CDHR3: variants seen among roughly 807,000 people sequenced by gnomAD.
CDHR3 encodes the protein cadherin-related family member 3.
A neutral mutation model predicts 86.6 loss-of-function variants in CDHR3; 79 were observed. That is an observed-to-expected ratio of 0.91 (90% CI 0.76 to 1.10). CDHR3 has a LOEUF of 1.10. Among genes scored for constraint, CDHR3 ranks in the 50% least tolerant of loss-of-function variants. The pLI, the probability that CDHR3 is intolerant of heterozygous loss-of-function variation, is 0.00. For synonymous variants in CDHR3, 421 were observed against 402.4 expected (o/e 1.05, Z -0.55); for missense variants, 1,081 against 1,077.6 (o/e 1.00, Z -0.04).
In CDHR3 at chr7:105,993,520, A is replaced by T. The variant is rs558212834; in HGVS notation, c.514-1231A>T. ...CCCTGTCTCTACAAAAAAAAATATAAAAAAAATTAGCCAGGTGTGGTGGCA... is the reference window on the plus strand; with the variant it reads ...CCCTGTCTCTACAAAAAAAAATATATAAAAAATTAGCCAGGTGTGGTGGCA... On this transcript the variant is annotated intron_variant, in intron 4 of 18. Transcript: ENST00000317716. Among the ~76,000 whole-genome samples the T allele has an allele frequency of 6.6e-5, 10 of 151,800 alleles. No individual in the cohort carries two copies. In the South Asian group the frequency reaches 1.9e-3, roughly 29 times the overall value.
At chr7:105,977,172 G>A (rs759323290) in intron 2 of CDHR3, among the ~76,000 whole-genome samples, 1 of 151,976 alleles carries the variant, frequency 6.6e-6, no homozygotes, top group Non-Finnish European at 1.5e-5. Flanking sequence ...TTTTATTCCT[G>A]TTTTAGATAT....
chr7:106,000,158 G>A (rs1038063246), intron 6 of CDHR3, among the ~76,000 whole-genome samples: 2 of 152,224 alleles, frequency 1.3e-5, no homozygotes, highest in African/African-American at 4.8e-5. Flanking sequence ...AAGGGGATAT[G>A]TCAAGTAAGG....
chr7:105,989,422 T>C (rs1371379366), intron 4 of CDHR3, among the ~76,000 whole-genome samples: 4 of 151,828 alleles, frequency 2.6e-5, no homozygotes, highest in Admixed American at 1.3e-4. Context: ...TTAAGGGGCT[T>C]TCTTTTGGCC....
chr7:106,020,858 C>A (rs1162782873), intron 13 of CDHR3, among the ~76,000 whole-genome samples: 1 of 152,144 alleles, frequency 6.6e-6, no homozygotes, highest in African/African-American at 2.4e-5. Flanking sequence ...CCTGGCACTC[C>A]TCTCAGTTTC....
In CDHR3 at chr7:106,020,541, C is replaced by T. The variant is rs773363986; in HGVS notation, c.1822C>T (p.Pro608Ser). 2.5e-6 allele frequency: 4 copies of T among 1,612,874 alleles called. No homozygotes were observed. The highest frequency in any genetic ancestry group is 4.5e-5 in the East Asian group (2 of 44,888). The change falls in exon 13 of 19, where the codon CCA becomes TCA. Residue 608 changes from proline (P) to serine (S), a missense_variant. By Grantham distance (74) the Pro-to-Ser change is moderately conservative. Transcript: ENST00000317716. ...SPRSFRYSIG[P>S]GNVNNHFTFS... ...CAGATCTTTCCGTTATTCCATTGGC[C>T]CAGGTATAGTACTTGGTGTCGACAA... is the stretch of plus-strand genomic sequence containing the variant.
At chr7:106,021,495 C>T (rs576854221) in intron 13 of CDHR3, among the ~76,000 whole-genome samples, 10 of 152,240 alleles carry the variant, frequency 6.6e-5, no homozygotes, top group Non-Finnish European at 1.2e-4. Context: ...GCTCCATTTA[C>T]TGGTGTTCAG....
chr7:106,032,880 C>A lies in CDHR3; in HGVS notation c.*183C>A. On this transcript the variant is annotated 3_prime_UTR_variant, in exon 19 of 19. Transcript: ENST00000317716. ...AGAAAGGGGTTTGATCACATAGTTG[C>A]GTGTTCTGAAATGATACAGGAACAT... The A allele has an allele frequency of 1.7e-6, 1 of 591,796 alleles. No homozygotes were observed. Among genetic ancestry groups the A allele is most frequent in the Non-Finnish European group, 2.9e-6 (1 of 339,600 alleles). 36.7% of individuals were successfully genotyped at this position (591,796 alleles called of 1,614,324 possible).
chr7:105,989,007 C>T (rs947640386), intron 4 of CDHR3, among the ~76,000 whole-genome samples: 5 of 152,258 alleles, frequency 3.3e-5, no homozygotes, highest in African/African-American at 7.2e-5. Context: ...GTCACACGTA[C>T]GTGAGGGTAG....
chr7:106,020,983 T>C (rs1046085209), intron 13 of CDHR3, among the ~76,000 whole-genome samples: 1 of 152,136 alleles, frequency 6.6e-6, no homozygotes, highest in African/African-American at 2.4e-5. Flanking sequence ...TTAGTGTTGT[T>C]AGAAAAAATG....
Position 106,004,681 on chromosome 7 carries a change from C to T in CDHR3, c.1046C>T (p.Thr349Ile). The T allele has an allele frequency of 1.9e-6, 3 of 1,614,018 alleles. No individual in the cohort carries two copies. The highest frequency in any genetic ancestry group is 2.5e-6 in the Non-Finnish European group (3 of 1,179,890). Residue 349 changes from threonine (T) to isoleucine (I), a missense_variant, in exon 8 of 19, where the codon ACC becomes ATC. Thr to Ile is a moderately conservative substitution (Grantham distance 89). Transcript: ENST00000317716. ...NDNPATCQKF[T>I]FSIMVPERTA... ...AATCCTGCCACATGCCAAAAGTTCA[C>T]CTTCAGGTATGCACACTTTGAAAGT...
chr7:105,994,972 G>A (rs1234657782), intron 5 of CDHR3, 127 bp downstream of exon 5: 3 of 717,192 alleles, frequency 4.2e-6, no homozygotes, highest in Non-Finnish European at 7.3e-6. Flanking sequence ...CAGCGTCATT[G>A]TAAGTTCAGA....
At chr7:106,025,640 C>G (rs1319551474) in intron 15 of CDHR3, among the ~76,000 whole-genome samples, 2 of 152,036 alleles carry the variant, frequency 1.3e-5, no homozygotes, top group Non-Finnish European at 2.9e-5. Flanking sequence ...GACATGTGTG[C>G]CTTTTACGGG....
chr7:105,991,098 A>T (rs1236483152), intron 4 of CDHR3, among the ~76,000 whole-genome samples: 2 of 152,322 alleles, frequency 1.3e-5, no homozygotes, highest in East Asian at 1.9e-4. Context: ...ATTACTCAGG[A>T]CTTTTCTTAG....
At chr7:106,010,686 G>T (rs559731382) in intron 8 of CDHR3, among the ~76,000 whole-genome samples, 1 of 152,342 alleles carries the variant, frequency 6.6e-6, no homozygotes, top group African/African-American at 2.4e-5. Flanking sequence ...AACAGAGTTT[G>T]GTTGCAGAGA....
In CDHR3 at chr7:106,020,656, G is replaced by C. The variant is rs1836428603; in HGVS notation, c.1825+112G>C. 8.9e-6 allele frequency: 11 copies of C among 1,240,508 alleles called. No homozygotes were observed. In the South Asian group the frequency reaches 1.8e-4, roughly 20 times the overall value. The allele number at this position is 1,240,508 out of a possible 1,614,324, so 76.8% of individuals were successfully genotyped here. A position where few individuals can be genotyped will look rare whatever the true frequency, so the allele number is the denominator to read the frequency against. On this transcript the variant is annotated intron_variant, in intron 13 of 18. Coordinates refer to ENST00000317716, the MANE Select transcript of CDHR3 (RefSeq NM_152750.5). ...CTGGGCAAAGTGGGATGGGAGTTGG[G>C]AGGGCATTATTTTTTTGAGATAGGG...
chr7:106,015,931 C>T lies in CDHR3; in HGVS notation c.1332C>T (p.Asn444=), dbSNP rs202005767. Residue 444 remains asparagine (N), a synonymous_variant, in exon 11 of 19, where the codon AAC becomes AAT. Transcript: ENST00000317716. ...TGTTTCTATTTCCATTTTTAGATAA[C>T]GTCTACGTTTATATCCTAACAAGCC... The part of the protein sequence containing the change: ...QDVAPPYYKN[N]VYVYILTSPE... 997 of 1,602,040 alleles carry T rather than the reference C, an allele frequency of 6.2e-4. 4 individuals are homozygous for T. The highest frequency in any genetic ancestry group is 6.1e-3 in the Middle Eastern group (37 of 6,038).
chr7:105,998,661 G>A (rs902020067), intron 6 of CDHR3, among the ~76,000 whole-genome samples: 1 of 152,150 alleles, frequency 6.6e-6, no homozygotes, highest in Non-Finnish European at 1.5e-5. Flanking sequence ...CATGGTGGCT[G>A]TAATCCCAGC....
rs539693974 is a variant in CDHR3 at position 105,998,047 on chromosome 7, G to C, written c.713+1693G>C. ...CTCCAAAAGAAGGAGTGGGGGCAGG[G>C]TGGCTGCCCAGGCTTGGCTCAGGCA... On this transcript the variant is annotated intron_variant, in intron 6 of 18. Coordinates refer to ENST00000317716, the MANE Select transcript of CDHR3 (RefSeq NM_152750.5). Among the ~76,000 whole-genome samples the C allele has an allele frequency of 5.0e-4, 76 of 152,240 alleles. No individual in the cohort carries two copies. In the Middle Eastern group the frequency reaches 0.01, roughly 20 times the overall value.
rs752509579 is a variant in CDHR3, at chr7:105,981,052, G to A, written c.334G>A (p.Gly112Ser). ...GCAGATTTATGTGAAGGATGAGGTT[G>A]GTGTCACAGACCTGCAAGTCCTGAC... ...DLQIYVKDEV[G>S]VTDLQVLTVQ... Residue 112 changes from glycine to serine, a missense_variant, in exon 3 of 19, where the codon GGT becomes AGT. Physicochemically the swap from Gly to Ser is moderately conservative, Grantham distance 56. Transcript: ENST00000317716. 11 of 1,613,026 alleles carry A rather than the reference G, an allele frequency of 6.8e-6. No individual in the cohort carries two copies. Among genetic ancestry groups the A allele is most frequent in the Non-Finnish European group, 9.3e-6 (11 of 1,179,488 alleles).
Sources: allele counts gnomAD v4.1 joint callset (sites outside exome capture counted in the v4.1 genomes callset), GRCh38; gene constraint gnomAD v4.1.1; transcripts MANE v1.5; gene names NCBI Gene and HGNC (gene_info 2026-07-23, HGNC 2026-07-21).